AGBL4: variants seen among roughly 807,000 people sequenced by gnomAD.
AGBL4 encodes AGBL carboxypeptidase 4, also known as cytosolic carboxypeptidase 6.
Under a neutral mutation model 66.4 loss-of-function variants are expected in AGBL4, and 58 were observed. That is an observed-to-expected ratio of 0.87 (90% CI 0.71 to 1.09). The LOEUF is 1.09. Ranked by LOEUF, AGBL4 falls within the 50% of genes least tolerant of loss-of-function variation. The pLI is 0.00. For synonymous variants in AGBL4, 234 were observed against 222.9 expected (o/e 1.05, Z -0.44); for missense variants, 579 against 631.0 (o/e 0.92, Z 0.88).
At chr1:49,601,798 G>T (rs1157473694) in intron 3 of AGBL4, among the ~76,000 whole-genome samples, 1 of 152,104 alleles carries the variant, frequency 6.6e-6, no homozygotes, top group African/African-American at 2.4e-5. Flanking sequence ...CATGGGCAAA[G>T]ACTTCATTAC....
chr1:48,565,512 G>T (rs553475268), intron 11 of AGBL4, among the ~76,000 whole-genome samples: 5 of 152,098 alleles, frequency 3.3e-5, no homozygotes, highest in Non-Finnish European at 7.4e-5. Context: ...ATGATCTTTG[G>T]TTCCTCAACT....
chr1:49,081,123 C>T (rs1004891605), intron 4 of AGBL4, among the ~76,000 whole-genome samples: 2 of 152,118 alleles, frequency 1.3e-5, no homozygotes, highest in South Asian at 4.1e-4. Context: ...TAACTACATA[C>T]TACCCCAAAA....
At chr1:49,735,761 A>C (rs550024938) in intron 2 of AGBL4, among the ~76,000 whole-genome samples, 132 of 152,282 alleles carry the variant, frequency 8.7e-4, no homozygotes, top group African/African-American at 3.1e-3. Context: ...TCCGTAAAAA[A>C]AGTAATAACT....
chr1:49,444,053 G>T (rs995300224), intron 3 of AGBL4, among the ~76,000 whole-genome samples: 12 of 151,734 alleles, frequency 7.9e-5, no homozygotes, highest in South Asian at 2.1e-4. Context: ...TAATTTCCAT[G>T]TATTTATATA....
intron 11 of AGBL4, among the ~76,000 whole-genome samples, chr1:48,545,785 T>C (rs1297668612): frequency 2.0e-5 from 3 of 152,224 alleles, no homozygotes; most frequent in East Asian, 1.9e-4. Context: ...ATGACTTCCA[T>C]ACAGAGCTCT....
intron 5 of AGBL4, among the ~76,000 whole-genome samples, chr1:49,019,822 A>G (rs1039074112): frequency 4.6e-5 from 7 of 152,130 alleles, no homozygotes; most frequent in Non-Finnish European, 7.4e-5. Flanking sequence ...GCAAGTCTCA[A>G]CTCTGCCTCT....
chr1:49,633,557 G>A (rs1004260011), intron 3 of AGBL4, among the ~76,000 whole-genome samples: 4 of 152,156 alleles, frequency 2.6e-5, no homozygotes, highest in Admixed American at 1.3e-4. Flanking sequence ...TATTTGGGAA[G>A]CTGAGGTTGG....
At chr1:48,664,991 T>C (rs1193973889) in intron 6 of AGBL4, among the ~76,000 whole-genome samples, 3 of 152,222 alleles carry the variant, frequency 2.0e-5, no homozygotes. Context: ...AGACATGCTA[T>C]TCTGAACGTG....
chr1:49,697,554 G>A, intron 2 of AGBL4, 117 bp from the exon 3 acceptor site: 2 of 857,012 alleles, frequency 2.3e-6, no homozygotes, highest in Non-Finnish European at 3.4e-6. Context: ...AGTACTTGAA[G>A]GTTCAGTGTT....
chr1:49,879,340 T>A (rs1377803128), intron 1 of AGBL4, among the ~76,000 whole-genome samples: 1 of 151,304 alleles, frequency 6.6e-6, no homozygotes, highest in East Asian at 2.0e-4. Context: ...TCAGGAGCTC[T>A]TTTAGGGCAG....
chr1:49,730,959 C>T (rs1047120535), intron 2 of AGBL4, among the ~76,000 whole-genome samples: 1 of 152,194 alleles, frequency 6.6e-6, no homozygotes, highest in African/African-American at 2.4e-5. Context: ...GAGCCATTCT[C>T]TGCATTCTAC....
intron 2 of AGBL4, among the ~76,000 whole-genome samples, chr1:49,702,256 G>A (rs1347644695): frequency 6.6e-6 from 1 of 152,080 alleles, no homozygotes; most frequent in East Asian, 1.9e-4. Flanking sequence ...ACTTTGGGAG[G>A]CCAAGGCAGG....
intron 9 of AGBL4, among the ~76,000 whole-genome samples, chr1:48,617,848 T>A (rs1359084819): frequency 6.6e-6 from 1 of 152,158 alleles, no homozygotes; most frequent in African/African-American, 2.4e-5. Flanking sequence ...AAAGGTATGG[T>A]GGTCTGAGAG....
At chr1:48,557,578 G>A (rs974740041) in intron 11 of AGBL4, among the ~76,000 whole-genome samples, 5 of 152,144 alleles carry the variant, frequency 3.3e-5, no homozygotes, top group African/African-American at 1.2e-4. Context: ...ACTCTGTCTC[G>A]GTTGCAGAGA....
At chr1:48,528,918 A>G (rs920532254), downstream of AGBL4, among the ~76,000 whole-genome samples, 3 of 151,946 alleles carry the variant, frequency 2.0e-5, no homozygotes, top group African/African-American at 7.3e-5. Flanking sequence ...TTCTCTTTTT[A>G]GTCTAGTTAT....
At chr1:49,643,030 T>C (rs1645814639) in intron 3 of AGBL4, among the ~76,000 whole-genome samples, 2 of 151,930 alleles carry the variant, frequency 1.3e-5, no homozygotes, top group African/African-American at 2.4e-5. Context: ...TTAGTAAATA[T>C]GAATATTAAA....
At chr1:48,690,655 TACAAAATA>T (rs1646614842) in intron 6 of AGBL4, among the ~76,000 whole-genome samples, 1 of 151,778 alleles carries the variant, frequency 6.6e-6, no homozygotes, top group Non-Finnish European at 1.5e-5. Context: ...TATTTTTCCA[TACAAAATA>T]GGACGTAAGT....
Position 49,770,578 on chromosome 1 carries a change from T to G in AGBL4, c.158-73141A>C, listed in dbSNP as rs144437365. ...CCTCCTCTTTAATTTCTGGAAAAGTTTGAGAATAATTGGTATTAGTTCTTC... is the reference window on the plus strand; with the variant it reads ...CCTCCTCTTTAATTTCTGGAAAAGTGTGAGAATAATTGGTATTAGTTCTTC... On this transcript the variant is annotated intron_variant, in intron 2 of 13. Transcript: ENST00000371839. 1.1e-3 allele frequency among the ~76,000 whole-genome samples: 166 copies of G among 152,314 alleles called. 1 individual carries two copies. The highest frequency in any genetic ancestry group is 3.8e-3 in the African/African-American group (156 of 41,568).
intron 5 of AGBL4, among the ~76,000 whole-genome samples, chr1:48,887,462 G>A (rs1286081359): frequency 3.3e-5 from 5 of 152,074 alleles, no homozygotes; most frequent in Non-Finnish European, 7.4e-5. Context: ...GGGAACTAAT[G>A]TTTGGAGGCA....
Sources: allele counts gnomAD v4.1 joint callset (sites outside exome capture counted in the v4.1 genomes callset), GRCh38; gene constraint gnomAD v4.1.1; transcripts MANE v1.5; gene names NCBI Gene and HGNC (gene_info 2026-07-23, HGNC 2026-07-21).